Variants in SHB observed in about 807,000 individuals in gnomAD.
SHB encodes the protein SH2 domain containing adaptor protein B, also known as SH2 domain-containing adapter protein B.
SHB carries 20 observed loss-of-function variants against 52.3 expected under a neutral mutation model. That is an observed-to-expected ratio of 0.38 (90% CI 0.27 to 0.56). SHB has a LOEUF of 0.56. Among genes scored for constraint, SHB ranks in the 20% least tolerant of loss-of-function variants. The pLI, the probability that SHB is intolerant of heterozygous loss-of-function variation, is 0.71. For missense variants in SHB, 825 were observed against 723.3 expected (o/e 1.14, Z -1.61); for synonymous variants, 397 against 316.5 (o/e 1.25, Z -2.70).
intron 3 of SHB, among the ~76,000 whole-genome samples, chr9:37,961,803 G>A (rs1832694743): frequency 6.6e-6 from 1 of 152,228 alleles, no homozygotes; most frequent in South Asian, 2.1e-4. Context: ...GAGCTCCAAA[G>A]TCTGCACCAC....
chr9:37,998,687 A>G (rs753556543), intron 2 of SHB, among the ~76,000 whole-genome samples: 2 of 152,344 alleles, frequency 1.3e-5, no homozygotes, highest in East Asian at 3.9e-4. Flanking sequence ...TCTTGAGCTC[A>G]AGCTATGCAC....
At chr9:37,989,240 A>G (rs571206748) in intron 2 of SHB, among the ~76,000 whole-genome samples, 3 of 152,312 alleles carry the variant, frequency 2.0e-5, no homozygotes, top group African/African-American at 7.2e-5. Flanking sequence ...AGGTCCTGCA[A>G]AGACTGGATC....
In SHB at chr9:37,948,665, G is replaced by A; in HGVS notation, c.1316C>T (p.Thr439Ile). The A allele has an allele frequency of 6.2e-7, 1 of 1,613,940 alleles. No individual in the cohort carries two copies. Among genetic ancestry groups the A allele is most frequent in the East Asian group, 2.2e-5 (1 of 44,868 alleles). ...ECSYLVRNSQ[T>I]SKHDYSLSLR... is the part of the protein sequence containing the mutation. ...GGAGAGGGAGTAGTCATGCTTGCTG[G>A]TCTGGCTGTTCCGGACAAGGTAGCT... Residue 439 changes from threonine to isoleucine, a missense_variant, in exon 5 of 6, where the codon ACC (threonine) becomes ATC (isoleucine). Physicochemically the swap from Thr to Ile is moderately conservative, Grantham distance 89. Coordinates refer to ENST00000377707, the MANE Select transcript of SHB (RefSeq NM_003028.3).
At chr9:38,014,299 T>G (rs1018285660) in intron 2 of SHB, among the ~76,000 whole-genome samples, 16 of 152,206 alleles carry the variant, frequency 1.1e-4, no homozygotes, top group Admixed American at 3.9e-4. Flanking sequence ...AGCCAACGCC[T>G]GCTGAATGCA....
chr9:38,026,421 C>G (rs116999269), intron 1 of SHB, among the ~76,000 whole-genome samples: 1 of 152,358 alleles, frequency 6.6e-6, no homozygotes, highest in East Asian at 1.9e-4. Flanking sequence ...CATTTCTCCC[C>G]GAACGGGACC....
rs187323779 is a variant in SHB, at chr9:38,012,837, A to G, written c.838+3174T>C. Among the ~76,000 whole-genome samples the G allele has an allele frequency of 4.1e-3, 623 of 150,208 alleles. 15 individuals carry two copies. The highest frequency in any genetic ancestry group is 0.04 in the Admixed American group (591 of 14,896). On this transcript the variant is annotated intron_variant, in intron 2 of 5. Transcript: ENST00000377707. ...CACGCTCACATACACATAAAATGTA[A>G]TATCATCCAAAAAGGATCATTCTAA...
At chr9:38,028,300 A>G (rs1821369998) in intron 1 of SHB, among the ~76,000 whole-genome samples, 1 of 152,200 alleles carries the variant, frequency 6.6e-6, no homozygotes, top group Non-Finnish European at 1.5e-5. Context: ...TGTTGTGCCA[A>G]TAATGGACGG....
At chr9:37,921,114 C>T (rs1275115437) in intron 5 of SHB, among the ~76,000 whole-genome samples, 1 of 152,214 alleles carries the variant, frequency 6.6e-6, no homozygotes, top group Non-Finnish European at 1.5e-5. Context: ...TATGATTCTA[C>T]TGTGATTCTG....
At chr9:37,943,845 C>A (rs890614517) in intron 5 of SHB, among the ~76,000 whole-genome samples, 1 of 152,206 alleles carries the variant, frequency 6.6e-6, no homozygotes, top group Non-Finnish European at 1.5e-5. Flanking sequence ...CATTCCTTTG[C>A]AAAAACTCAC....
intron 4 of SHB, 95 bp downstream of exon 4, chr9:37,955,788 C>T (rs1832623734): frequency 8.0e-7 from 1 of 1,255,976 alleles, no homozygotes; most frequent in Admixed American, 2.2e-5. Context: ...ACGCCCGGCC[C>T]AGTCTGTGGA....
At chr9:37,954,198 A>G (rs1180897897) in intron 4 of SHB, among the ~76,000 whole-genome samples, 1 of 152,220 alleles carries the variant, frequency 6.6e-6, no homozygotes, top group African/African-American at 2.4e-5. Context: ...GGCTGGGAGC[A>G]CTCACAAAGG....
At chr9:37,937,804 G>A (rs558911423) in intron 5 of SHB, among the ~76,000 whole-genome samples, 5 of 152,298 alleles carry the variant, frequency 3.3e-5, no homozygotes, top group Non-Finnish European at 5.9e-5. Flanking sequence ...GCTCCAAAGG[G>A]TGATAACCCT....
chr9:38,046,692 T>C (rs985955832), intron 1 of SHB, among the ~76,000 whole-genome samples: 5 of 152,346 alleles, frequency 3.3e-5, no homozygotes, highest in South Asian at 2.1e-4. Context: ...ACGGAAGGAA[T>C]TGAAATCGCA....
At chr9:37,942,569 G>C (rs1201312251) in intron 5 of SHB, among the ~76,000 whole-genome samples, 3 of 152,194 alleles carry the variant, frequency 2.0e-5, no homozygotes, top group African/African-American at 7.2e-5. Context: ...GGAAAAGCTG[G>C]GAGAAGCAGA....
chr9:38,046,188 AAAAAG>A (rs1485871252), intron 1 of SHB, among the ~76,000 whole-genome samples: 6 of 151,954 alleles, frequency 3.9e-5, no homozygotes, highest in Non-Finnish European at 7.4e-5. Context: ...GATAAGAAAA[AAAAAG>A]AAAAGAGGCA....
chr9:38,001,837 G>C (rs17438977), intron 2 of SHB, among the ~76,000 whole-genome samples: 64,291 of 152,000 alleles, frequency 0.42, 13,982 homozygotes, highest in Middle Eastern at 0.5. Context: ...CTTACCCGCT[G>C]AGACCTCTGT....
chr9:38,066,107 G>A (rs1339948655), intron 1 of SHB, among the ~76,000 whole-genome samples: 1 of 152,216 alleles, frequency 6.6e-6, no homozygotes, highest in Middle Eastern at 3.2e-3. Context: ...GGAGGACACA[G>A]AGAAGACCCG....
chr9:38,032,446 G>A (rs370553015), intron 1 of SHB, among the ~76,000 whole-genome samples: 167 of 152,298 alleles, frequency 1.1e-3, no homozygotes, highest in African/African-American at 3.5e-3. Flanking sequence ...ATCTCTGAAG[G>A]GAAGTTTGAC....
intron 4 of SHB, among the ~76,000 whole-genome samples, chr9:37,953,376 G>C (rs190295549): frequency 1.3e-5 from 2 of 152,162 alleles, no homozygotes; most frequent in African/African-American, 4.8e-5. Flanking sequence ...CCCTCATGGA[G>C]TTTCTGTTCT....
Sources: allele counts gnomAD v4.1 joint callset (sites outside exome capture counted in the v4.1 genomes callset), GRCh38; gene constraint gnomAD v4.1.1; transcripts MANE v1.5; gene names NCBI Gene and HGNC (gene_info 2026-07-23, HGNC 2026-07-21).